The following HS6ST3 variants were observed in gnomAD, a reference collection of about 807,000 sequenced individuals.
HS6ST3 encodes the protein heparan sulfate 6-O-sulfotransferase 3, also known as heparan-sulfate 6-O-sulfotransferase 3.
A neutral mutation model predicts 36.7 loss-of-function variants in HS6ST3; 12 were observed. The ratio of observed to expected loss-of-function variants is 0.33; its 90% CI spans 0.21 to 0.53. The LOEUF (loss-of-function observed/expected upper bound fraction) is 0.53, where lower values mean the gene tolerates loss of function less well. HS6ST3 is among the 20% of genes least tolerant of loss of function. The pLI is 0.95. For missense variants in HS6ST3, 584 were observed against 640.9 expected, an observed-to-expected ratio of 0.91 and a Z score of 0.96; for synonymous variants, 240 against 257.5, an observed-to-expected ratio of 0.93 and a Z score of 0.65.
At chr13:96,449,525 A>G (rs2055716619) in intron 1 of HS6ST3, among the ~76,000 whole-genome samples, 2 of 152,206 alleles carry the variant, frequency 1.3e-5, no homozygotes. Context: ...TTGTTACCAA[A>G]TAAAGCTACC....
intron 1 of HS6ST3, among the ~76,000 whole-genome samples, chr13:96,237,321 C>T (rs1277403270): frequency 6.6e-6 from 1 of 152,100 alleles, no homozygotes; most frequent in Admixed American, 6.5e-5. Flanking sequence ...CATCATTCTC[C>T]CCTTTTATTA....
intron 1 of HS6ST3, among the ~76,000 whole-genome samples, chr13:96,390,992 C>CT (rs929727227): frequency 6.6e-6 from 1 of 152,002 alleles, no homozygotes; most frequent in Non-Finnish European, 1.5e-5. Context: ...TTTTTTTCTT[C>CT]TTTAAACCCA....
intron 1 of HS6ST3, among the ~76,000 whole-genome samples, chr13:96,421,401 C>A (rs1241379400): frequency 1.3e-5 from 2 of 152,222 alleles, no homozygotes; most frequent in African/African-American, 4.8e-5. Context: ...GCTTTACAAT[C>A]TGCTGAAGTT....
intron 1 of HS6ST3, among the ~76,000 whole-genome samples, chr13:96,132,869 A>C (rs2053983081): frequency 6.6e-6 from 1 of 152,094 alleles, no homozygotes; most frequent in Admixed American, 6.5e-5. Flanking sequence ...TTCCCTGACG[A>C]TTAGTAATGT....
chr13:96,208,797 G>A (rs1344598835), intron 1 of HS6ST3, among the ~76,000 whole-genome samples: 1 of 152,164 alleles, frequency 6.6e-6, no homozygotes, highest in Non-Finnish European at 1.5e-5. Flanking sequence ...AGGGTACGAG[G>A]TGAAAGAGAA....
At chr13:96,689,973 G>A (rs569423772) in intron 1 of HS6ST3, among the ~76,000 whole-genome samples, 1 of 152,170 alleles carries the variant, frequency 6.6e-6, no homozygotes, top group East Asian at 1.9e-4. Context: ...AAGGCACTAC[G>A]TGTCCTTTAA....
At position 96,349,466 on chromosome 13, in the gene HS6ST3, T is replaced by C. The variant is rs148132148; in HGVS notation, c.707+257897T>C. On this transcript the variant is annotated intron_variant, in intron 1 of 1. Transcript: ENST00000376705. ...TCTCCAAAAGTGCTGCGTCACATTT[T>C]CAAAAATTGAAATAGAATGTCACAA... 3.3e-3 allele frequency among the ~76,000 whole-genome samples: 508 copies of C among 152,310 alleles called. 3 individuals are homozygous for C. The highest frequency in any genetic ancestry group is 0.011 in the African/African-American group (455 of 41,576).
At chr13:96,404,246 C>G (rs971604503) in intron 1 of HS6ST3, among the ~76,000 whole-genome samples, 3 of 152,166 alleles carry the variant, frequency 2.0e-5, no homozygotes, top group Admixed American at 6.5e-5. Context: ...CCCACTATTC[C>G]CTAGGAATAA....
chr13:96,422,830 A>G (rs958105930), intron 1 of HS6ST3, among the ~76,000 whole-genome samples: 3 of 152,170 alleles, frequency 2.0e-5, no homozygotes, highest in Non-Finnish European at 4.4e-5. Context: ...AGATTCTCCC[A>G]TTTATCTTTT....
chr13:96,449,118 T>C (rs2055714562), intron 1 of HS6ST3, among the ~76,000 whole-genome samples: 1 of 152,046 alleles, frequency 6.6e-6, no homozygotes, highest in Non-Finnish European at 1.5e-5. Context: ...CGTGCCACCA[T>C]ACCCGGCTAA....
At chr13:96,687,888 C>T (rs888150224) in intron 1 of HS6ST3, among the ~76,000 whole-genome samples, 3 of 152,060 alleles carry the variant, frequency 2.0e-5, no homozygotes, top group Middle Eastern at 3.4e-3. Flanking sequence ...CATTTGTCTC[C>T]ATTTGCATAA....
chr13:96,291,893 A>G (rs2054831428), intron 1 of HS6ST3, among the ~76,000 whole-genome samples: 1 of 152,184 alleles, frequency 6.6e-6, no homozygotes. Flanking sequence ...ATTCTTGTTC[A>G]TACCATGGAG....
chr13:96,267,924 G>A (rs942885708), intron 1 of HS6ST3, among the ~76,000 whole-genome samples: 4 of 151,786 alleles, frequency 2.6e-5, no homozygotes, highest in African/African-American at 7.3e-5. Context: ...AAACACTCAG[G>A]CCTCTTCTCA....
At chr13:96,466,025 G>A (rs918580045) in intron 1 of HS6ST3, among the ~76,000 whole-genome samples, 7 of 152,096 alleles carry the variant, frequency 4.6e-5, no homozygotes, top group Non-Finnish European at 7.4e-5. Context: ...GCTCACGCCT[G>A]AAATCCCAGC....
intron 1 of HS6ST3, among the ~76,000 whole-genome samples, chr13:96,147,786 A>G (rs1198047892): frequency 6.6e-6 from 1 of 152,052 alleles, no homozygotes; most frequent in Non-Finnish European, 1.5e-5. Context: ...AAAATGAATG[A>G]ATGAATGAAT....
chr13:96,168,690 A>G (rs1712358736), intron 1 of HS6ST3, among the ~76,000 whole-genome samples: 1 of 26,574 alleles, frequency 3.8e-5, no homozygotes, highest in Admixed American at 2.5e-4. Context: ...ACAGAGTGAG[A>G]CCAAAAAAAA....
rs1878834619 is a variant in HS6ST3 at position 96,832,725 on chromosome 13, G to A, written c.943G>A (p.Ala315Thr). 1 of 1,614,042 alleles carries A rather than the reference G, an allele frequency of 6.2e-7. No individual in the cohort carries two copies. The highest frequency in any genetic ancestry group is 1.7e-5 in the Admixed American group (1 of 60,002). The change falls in exon 2 of 2, where the codon GCT (alanine) becomes ACT (threonine). Residue 315 changes from alanine to threonine, a missense_variant. Coordinates refer to ENST00000376705, the MANE Select transcript of HS6ST3 (RefSeq NM_153456.4). ...LANNRQVRML[A>T]DLSLVGCYNL... ...TAACAATCGCCAGGTGCGCATGCTG[G>A]CTGACCTCAGCCTGGTGGGCTGCTA...
chr13:96,751,501 G>T (rs562805613), intron 1 of HS6ST3, among the ~76,000 whole-genome samples: 1 of 152,064 alleles, frequency 6.6e-6, no homozygotes, highest in Non-Finnish European at 1.5e-5. Context: ...CAGACTTCTG[G>T]CCTTCAGAAC....
chr13:96,726,289 A>G (rs1876005561), intron 1 of HS6ST3, among the ~76,000 whole-genome samples: 1 of 152,208 alleles, frequency 6.6e-6, no homozygotes, highest in South Asian at 2.1e-4. Flanking sequence ...TTTGATTGGA[A>G]TAGTATTAAA....
Sources: gnomAD v4.1 joint callset for allele counts (sites outside exome capture counted in the v4.1 genomes callset) on GRCh38, gnomAD v4.1.1 for gene constraint, MANE v1.5 for transcripts, NCBI Gene and HGNC (gene_info 2026-07-23, HGNC 2026-07-21) for gene names.